The following DMD variants were observed in gnomAD, a reference collection of about 807,000 sequenced individuals.
The protein encoded by DMD is dystrophin.
In DMD, 63 loss-of-function variants were observed where a neutral mutation model predicts 330.1. The ratio of observed to expected loss-of-function variants is 0.19; its 90% CI spans 0.16 to 0.24. The LOEUF (loss-of-function observed/expected upper bound fraction) is 0.24, where lower values mean the gene tolerates loss of function less well. DMD is among the 10% of genes least tolerant of loss of function. DMD has a pLI of 1.00. For synonymous variants in DMD, 1,223 were observed against 959.8 expected (o/e 1.27, Z -5.07); for missense variants, 3,344 against 2,684.1 (o/e 1.25, Z -5.43).
At chrX:31,385,817 G>T (rs1418768664) in intron 60 of DMD, among the ~76,000 whole-genome samples, 1 of 112,109 alleles carries the variant, frequency 8.9e-6, no homozygotes, top group African/African-American at 3.2e-5. Flanking sequence ...AGACAGTGTG[G>T]CAATTCCTCA....
chrX:32,429,392 T>G (rs1358832493), intron 29 of DMD, among the ~76,000 whole-genome samples: 1 of 76,414 alleles, frequency 1.3e-5, no homozygotes, highest in African/African-American at 5.0e-5. Context: ...TTTGGGTTTT[T>G]TTTTTTTTTT....
intron 45 of DMD, among the ~76,000 whole-genome samples, chrX:31,936,898 G>T (rs2094931616): frequency 9.0e-6 from 1 of 110,773 alleles, no homozygotes; most frequent in South Asian, 3.7e-4. Flanking sequence ...ATTGATTTAT[G>T]GTGCTTTCTT....
intron 1 of DMD, among the ~76,000 whole-genome samples, chrX:33,041,170 A>G (rs1335198045): frequency 8.8e-6 from 1 of 113,519 alleles, no homozygotes; most frequent in Non-Finnish European, 1.9e-5. Context: ...AAAATACTAC[A>G]GATGTTAATA....
intron 42 of DMD, among the ~76,000 whole-genome samples, chrX:32,299,110 A>G (rs1346869515): frequency 9.0e-6 from 1 of 110,854 alleles, no homozygotes; most frequent in Non-Finnish European, 1.9e-5. Flanking sequence ...GTGATCTAGG[A>G]TGTTGGGCAT....
intron 20 of DMD, among the ~76,000 whole-genome samples, chrX:32,485,869 G>C (rs928634657): frequency 2.9e-5 from 3 of 104,486 alleles, no homozygotes; most frequent in Non-Finnish European, 5.8e-5. Flanking sequence ...TCAGCCTCCT[G>C]AGTAGCTGGG....
chrX:32,251,704 T>A (rs2097264201), intron 43 of DMD, among the ~76,000 whole-genome samples: 1 of 111,809 alleles, frequency 8.9e-6, no homozygotes, highest in Non-Finnish European at 1.9e-5. Context: ...GTGAGGTGGC[T>A]CATATCTGTA....
chrX:32,383,911 T>G (rs1247519168), intron 33 of DMD, among the ~76,000 whole-genome samples: 1 of 109,379 alleles, frequency 9.1e-6, no homozygotes, highest in Non-Finnish European at 1.9e-5. Flanking sequence ...TTCGTAAAAA[T>G]TCCTATGACA....
At chrX:33,248,300 CA>C (rs1411233999) in intron 1 of DMD, among the ~76,000 whole-genome samples, 1 of 112,000 alleles carries the variant, frequency 8.9e-6, no homozygotes, top group African/African-American at 3.2e-5. Flanking sequence ...CTCAGCCTCC[CA>C]AAGTGCTGGG....
intron 1 of DMD, among the ~76,000 whole-genome samples, chrX:33,277,452 C>T (rs1294092804): frequency 1.8e-5 from 2 of 111,284 alleles, no homozygotes; most frequent in Admixed American, 9.6e-5. Context: ...AAAAATGCAA[C>T]CTCATGGCCC....
chrX:32,560,357 G>A (rs2050850569), intron 16 of DMD, among the ~76,000 whole-genome samples: 1 of 110,887 alleles, frequency 9.0e-6, no homozygotes, highest in Non-Finnish European at 1.9e-5. Context: ...CAGCACATGT[G>A]ATTTCAGTCA....
chrX:32,860,631 G>A (rs906139886), intron 2 of DMD, among the ~76,000 whole-genome samples: 11 of 110,557 alleles, frequency 9.9e-5, no homozygotes, highest in African/African-American at 2.0e-4. Context: ...GTATAATAAA[G>A]CAGTATTCTG....
intron 62 of DMD, among the ~76,000 whole-genome samples, chrX:31,266,159 C>CAAAAAAAAAAAAAAAAAAAAAAAAAA (rs1174153877): frequency 1.5e-4 from 2 of 13,331 alleles, no homozygotes; most frequent in African/African-American, 3.7e-4. Flanking sequence ...TCCCGAAGGG[C>CAAAAAAAAAAAAAAAAAAAAAAAAAA]AAAAAAAAAA....
chrX:31,227,494 TCAAA>T (rs1569485122), intron 63 of DMD, among the ~76,000 whole-genome samples: 1 of 111,913 alleles, frequency 8.9e-6, no homozygotes, highest in African/African-American at 3.2e-5. Flanking sequence ...CAATCCATTC[TCAAA>T]CAGTGATTCA....
intron 29 of DMD, among the ~76,000 whole-genome samples, chrX:32,431,423 T>C (rs903175848): frequency 9.0e-6 from 1 of 111,129 alleles, no homozygotes; most frequent in East Asian, 2.8e-4. Flanking sequence ...GGTTATATAA[T>C]TTTTTTATAT....
At chrX:32,887,311 C>T (rs2084696509) in intron 2 of DMD, among the ~76,000 whole-genome samples, 1 of 109,293 alleles carries the variant, frequency 9.1e-6, no homozygotes, top group Admixed American at 9.8e-5. Context: ...CCCATCACTG[C>T]ACTCCAGCCT....
At chrX:32,651,005 G>T (rs5972633) in intron 9 of DMD, among the ~76,000 whole-genome samples, 1 of 111,497 alleles carries the variant, frequency 9.0e-6, no homozygotes, top group Non-Finnish European at 1.9e-5. Context: ...AAAGGTAACT[G>T]GTGGTTCTGG....
At chrX:31,276,895 G>T (rs1162236133) in intron 62 of DMD, among the ~76,000 whole-genome samples, 8 of 111,506 alleles carry the variant, frequency 7.2e-5, no homozygotes, top group Non-Finnish European at 1.5e-4. Flanking sequence ...CAAGATTGTG[G>T]TTACCCTTGG....
intron 51 of DMD, among the ~76,000 whole-genome samples, chrX:31,735,621 C>T (rs2086816055): frequency 8.9e-6 from 1 of 111,975 alleles, no homozygotes; most frequent in Admixed American, 9.5e-5. Flanking sequence ...ACCATTATTT[C>T]CAAGGAGCGC....
intron 44 of DMD, among the ~76,000 whole-genome samples, chrX:32,166,465 A>G (rs1014615880): frequency 9.0e-6 from 1 of 111,197 alleles, no homozygotes; most frequent in Non-Finnish European, 1.9e-5. Flanking sequence ...CTCAAAAAAT[A>G]TATATAAATA....
Sources: allele counts gnomAD v4.1 joint callset (sites outside exome capture counted in the v4.1 genomes callset), GRCh38; gene constraint gnomAD v4.1.1; transcripts MANE v1.5; gene names NCBI Gene and HGNC (gene_info 2026-07-23, HGNC 2026-07-21).